Variants in FGFR1 observed in about 807,000 individuals in gnomAD.
FGFR1 encodes the protein fibroblast growth factor receptor 1.
Under a neutral mutation model 93.7 loss-of-function variants are expected in FGFR1, and 18 were observed. The observed-to-expected ratio is 0.19, with a 90% CI of 0.13 to 0.28. The LOEUF (loss-of-function observed/expected upper bound fraction) is 0.28, where lower values mean the gene tolerates loss of function less well. Among genes scored for constraint, FGFR1 ranks in the 10% least tolerant of loss-of-function variants. The pLI, the probability that FGFR1 is intolerant of heterozygous loss-of-function variation, is 1.00. For missense variants in FGFR1, 731 were observed against 1,080.4 expected (o/e 0.68, Z 4.53); for synonymous variants, 448 against 429.3 (o/e 1.04, Z -0.54).
At chr8:38,457,851 C>T (rs186026026) in intron 1 of FGFR1, among the ~76,000 whole-genome samples, 12 of 152,212 alleles carry the variant, frequency 7.9e-5, no homozygotes, top group South Asian at 4.2e-4. Flanking sequence ...GGCGTGGTGG[C>T]GCGCACCTGT....
chr8:38,429,017 T>C lies in FGFR1; in HGVS notation c.359-582A>G, dbSNP rs143529930. The C allele has an allele frequency of 2.3e-3, 770 of 337,184 alleles. 3 individuals are homozygous for C. The highest frequency in any genetic ancestry group is 3.7e-3 in the Non-Finnish European group (631 of 171,418). The allele number at this position is 337,184 out of a possible 1,614,324, so 20.9% of individuals were successfully genotyped here. A position where few individuals can be genotyped will look rare whatever the true frequency, so the allele number is the denominator to read the frequency against. On this transcript the variant is annotated intron_variant, in intron 3 of 17. Transcript: ENST00000447712. The surrounding 1 kb of genome is among the most constrained non-coding windows in gnomAD (Gnocchi z 4.4). ...TGTAAGAACACGCTTGATACACATG[T>C]GGTCACCCATCAGGGTTCATGCCAG...
In FGFR1 at chr8:38,429,193, T is replaced by A. The variant is rs1821891768; in HGVS notation, c.358+489A>T. 1 of 410,214 alleles carries A rather than the reference T, an allele frequency of 2.4e-6. No homozygotes were observed. 25.4% of individuals were successfully genotyped at this position (410,214 alleles called of 1,614,324 possible). ...TTCTAAGAGTGGCAAGTTCCCAAGT[T>A]CACAGAGCTCCAGGGCTCCCTGGCT... On this transcript the variant is annotated intron_variant, in intron 3 of 17. Coordinates refer to ENST00000447712, the MANE Select transcript of FGFR1 (RefSeq NM_023110.3). The surrounding 1 kb of genome is among the most constrained non-coding windows in gnomAD (Gnocchi z 4.4).
Position 38,413,438 on chromosome 8 carries a change from G to C in FGFR1, c.*190C>G. 1 of 613,578 alleles carries C rather than the reference G, an allele frequency of 1.6e-6. No homozygotes were observed. The highest frequency in any genetic ancestry group is 2.9e-6 in the Non-Finnish European group (1 of 347,260). The allele number at this position is 613,578 out of a possible 1,614,324, so 38.0% of individuals were successfully genotyped here. ...TGCCTCTTTGCACCTCTCACCAGCA[G>C]GTGGAGAGGAGGTGGAGGGAGAGGT... On this transcript the variant is annotated 3_prime_UTR_variant, in exon 18 of 18. Transcript: ENST00000447712. This position sits in a 1 kb window ranked among gnomAD's most constrained non-coding sequence, Gnocchi z 4.2.
chr8:38,435,011 C>G (rs1039661590), intron 2 of FGFR1: 1 of 152,248 alleles, frequency 6.6e-6, no homozygotes. Context: ...GGGATTATTA[C>G]AGGCATGTGC....
intron 1 of FGFR1, chr8:38,458,713 G>C (rs1224644534): frequency 4.5e-6 from 1 of 221,190 alleles, no homozygotes; most frequent in East Asian, 6.6e-5. Context: ...TCAACTCCCC[G>C]ACCTATGCAA....
intron 6 of FGFR1, among the ~76,000 whole-genome samples, chr8:38,425,506 A>G (rs1222610429): frequency 1.3e-5 from 2 of 152,142 alleles, no homozygotes; most frequent in Non-Finnish European, 2.9e-5. Context: ...CCATATCATC[A>G]TAATCAAGAA....
chr8:38,428,684 C>T, intron 3 of FGFR1: 1 of 539,380 alleles, frequency 1.9e-6, no homozygotes, highest in South Asian at 2.0e-5. Flanking sequence ...TCAGGGTCAG[C>T]TGTTCCTATT....
intron 2 of FGFR1, among the ~76,000 whole-genome samples, chr8:38,457,139 C>G (rs1833050040): frequency 3.3e-5 from 5 of 152,246 alleles, no homozygotes; most frequent in Admixed American, 3.3e-4. Context: ...CACCAGCCTT[C>G]ATGACCCCAA....
chr8:38,413,171 G>A lies in FGFR1; in HGVS notation c.*457C>T, dbSNP rs1304375769. 1.6e-5 allele frequency: 4 copies of A among 245,958 alleles called. No homozygotes were observed. The highest frequency in any genetic ancestry group is 3.2e-5 in the Non-Finnish European group (4 of 125,966). The allele number at this position is 245,958 out of a possible 1,614,324, so 15.2% of individuals were successfully genotyped here. On this transcript the variant is annotated 3_prime_UTR_variant, in exon 18 of 18. Coordinates refer to ENST00000447712, the MANE Select transcript of FGFR1 (RefSeq NM_023110.3). This position sits in a 1 kb window ranked among gnomAD's most constrained non-coding sequence, Gnocchi z 4.2. ...TCTGGGGCAGAGGTCACCTTCAATC[G>A]AGGCACGAAGCACTGACCTCCCTAC...
intron 1 of FGFR1, among the ~76,000 whole-genome samples, chr8:38,458,361 T>A (rs1179273427): frequency 4.6e-5 from 7 of 151,978 alleles, no homozygotes; most frequent in African/African-American, 1.7e-4. Context: ...GCCAATATGG[T>A]GAAATCCCAT....
At chr8:38,457,981 T>A (rs1833340241) in intron 1 of FGFR1, among the ~76,000 whole-genome samples, 1 of 152,112 alleles carries the variant, frequency 6.6e-6, no homozygotes, top group African/African-American at 2.4e-5. Flanking sequence ...AGATTCTGTC[T>A]CAAAAAGAGA....
At position 38,414,789 on chromosome 8, in the gene FGFR1, T is replaced by C; in HGVS notation, c.1967A>G (p.Lys656Arg). 6.2e-7 allele frequency: 1 copy of C among 1,614,038 alleles called. No individual in the cohort carries two copies. Among genetic ancestry groups the C allele is most frequent in the South Asian group, 1.1e-5 (1 of 91,084 alleles). ...CTTGTCGGCACTCACGTTGGTTGTC[T>C]TTTTATAGTAGTCGATGTGGTGAAT... ...RDIHHIDYYK[K>R]TTNGRLPVKW... The change falls in exon 14 of 18, where the codon AAG (lysine) becomes AGG (arginine). Residue 656 changes from lysine (K) to arginine (R), a missense_variant. Lys to Arg is a conservative substitution (Grantham distance 26). Around this residue, in one of 10 missense-constraint regions of FGFR1, gnomAD observed 44 missense variants for 99.9 expected, o/e 0.44. Transcript: ENST00000447712.
rs1310964044 is a variant in FGFR1, at chr8:38,411,838, CTG to C, written c.*1788_*1789del. On this transcript the variant is annotated 3_prime_UTR_variant, in exon 18 of 18. Coordinates refer to ENST00000447712, the MANE Select transcript of FGFR1 (RefSeq NM_023110.3). The stretch of plus-strand genomic sequence containing the variant: ...CAGGATGGAGTTTGGACAGGAAGAA[CTG>C]TAAGAAGCCAAGATCTGCGACAGTC... The C allele has an allele frequency of 4.4e-6, 1 of 228,828 alleles. No homozygotes were observed. Among genetic ancestry groups the C allele is most frequent in the Non-Finnish European group, 8.7e-6 (1 of 115,156 alleles). 14.2% of individuals were successfully genotyped at this position (228,828 alleles called of 1,614,324 possible). A position where few individuals can be genotyped will look rare whatever the true frequency, so the allele number is the denominator to read the frequency against.
At chr8:38,419,069 C>T (rs1817782031) in intron 9 of FGFR1, among the ~76,000 whole-genome samples, 1 of 152,250 alleles carries the variant, frequency 6.6e-6, no homozygotes, top group Non-Finnish European at 1.5e-5. Context: ...CTTTTGCCTT[C>T]TGCAATTGTG....
At chr8:38,432,409 A>AT (rs1563527004) in intron 2 of FGFR1, among the ~76,000 whole-genome samples, 21 of 148,596 alleles carry the variant, frequency 1.4e-4, no homozygotes, top group African/African-American at 4.0e-4. Flanking sequence ...TCTCGGGATA[A>AT]ATTTTTTTTT....
intron 9 of FGFR1, among the ~76,000 whole-genome samples, chr8:38,418,847 C>G (rs1186269056): frequency 6.6e-6 from 1 of 152,186 alleles, no homozygotes; most frequent in African/African-American, 2.4e-5. Context: ...TATGGTATGG[C>G]TGAGATGGTT....
rs1821463144 is a variant in FGFR1 at position 38,428,169 on chromosome 8, C to T, written c.449-76G>A. ...TCAGGCTCAGGAGCAGGGCCCAGGC[C>T]AGGACCTGGAGGTGTCTTGCCCATC... On this transcript the variant is annotated intron_variant, in intron 4 of 17. Coordinates refer to ENST00000447712, the MANE Select transcript of FGFR1 (RefSeq NM_023110.3). The T allele has an allele frequency of 2.5e-6, 4 of 1,598,648 alleles. No individual in the cohort carries two copies. In the Admixed American group the frequency reaches 5.0e-5, roughly 20 times the overall value.
chr8:38,436,688 G>A (rs988564294), intron 2 of FGFR1, among the ~76,000 whole-genome samples: 80 of 116,416 alleles, frequency 6.9e-4, no homozygotes, highest in African/African-American at 2.5e-3. Context: ...GGAGCCCACC[G>A]GAGACCCACA....
rs1815291668 is a variant in FGFR1 at position 38,413,884 on chromosome 8, G to C, written c.2292+34C>G. On this transcript the variant is annotated intron_variant, in intron 17 of 17. Transcript: ENST00000447712. The surrounding 1 kb of genome is among the most constrained non-coding windows in gnomAD (Gnocchi z 4.2). ...GAGGTGCGTGCACGCAGTGGGGACG[G>C]CCTGAGCTCTGGCTCTGGCACGGGC... 1.2e-6 allele frequency: 2 copies of C among 1,613,162 alleles called. No individual in the cohort carries two copies. The highest frequency in any genetic ancestry group is 2.7e-5 in the African/African-American group (2 of 74,876).
Sources: gnomAD v4.1 joint callset for allele counts (sites outside exome capture counted in the v4.1 genomes callset) on GRCh38, gnomAD v4.1.1 for gene constraint, gnomAD v4.1.1 regional missense constraint, Gnocchi (gnomAD v3.1) non-coding constraint, MANE v1.5 for transcripts, NCBI Gene and HGNC (gene_info 2026-07-23, HGNC 2026-07-21) for gene names.